Variants in SNX24 observed in about 807,000 individuals in gnomAD.
SNX24 encodes sorting nexin-24.
Under a neutral mutation model 28.7 loss-of-function variants are expected in SNX24, and 22 were observed. The observed-to-expected ratio is 0.77, with a 90% confidence interval of 0.55 to 1.10. The LOEUF is 1.10. Among genes scored for constraint, SNX24 ranks in the 50% least tolerant of loss-of-function variants. SNX24 has a pLI of 0.00. For synonymous variants in SNX24, 69 were observed against 71.5 expected (o/e 0.96, Z 0.18); for missense variants, 221 against 201.1 (o/e 1.10, Z -0.60).
chr5:122,904,161 T>C (rs2150082609), intron 1 of SNX24, among the ~76,000 whole-genome samples: 1 of 152,112 alleles, frequency 6.6e-6, no homozygotes, highest in East Asian at 1.9e-4. Flanking sequence ...AGTTACCCAG[T>C]GGAATACCTA....
rs11745548 is a variant in SNX24 at position 122,900,370 on chromosome 5, T to A, written c.61-36364T>A. 9.8e-3 allele frequency among the ~76,000 whole-genome samples: 1,488 copies of A among 152,322 alleles called. 25 individuals carry two copies. Among genetic ancestry groups the A allele is most frequent in the Middle Eastern group, 0.02 (6 of 294 alleles). ...TTAAAATGTGAACTATTAAAACGTT[T>A]TTTTTAAAAAAATGAAGAACAGAGA... On this transcript the variant is annotated intron_variant, in intron 1 of 6. Transcript: ENST00000261369.
intron 1 of SNX24, among the ~76,000 whole-genome samples, chr5:122,918,321 C>T (rs913490501): frequency 6.6e-6 from 1 of 152,008 alleles, no homozygotes; most frequent in Non-Finnish European, 1.5e-5. Flanking sequence ...TGCCCAAGAC[C>T]ATTGTTAAGT....
At chr5:122,964,095 TA>T (rs1490325518) in intron 3 of SNX24, among the ~76,000 whole-genome samples, 1 of 151,222 alleles carries the variant, frequency 6.6e-6, no homozygotes, top group Non-Finnish European at 1.5e-5. Flanking sequence ...ATACAAAAAT[TA>T]GCTGGGCGTG....
chr5:122,900,190 C>CT (rs34211374), intron 1 of SNX24, among the ~76,000 whole-genome samples: 91,368 of 148,322 alleles, frequency 0.62, 28,764 homozygotes, highest in African/African-American at 0.77. Flanking sequence ...CACCCAGCTA[C>CT]TTTTTTTTTT....
intron 3 of SNX24, among the ~76,000 whole-genome samples, chr5:122,997,097 T>C (rs1461307291): frequency 8.5e-5 from 13 of 152,242 alleles, no homozygotes; most frequent in Admixed American, 7.9e-4. Flanking sequence ...TTTGTATCTC[T>C]GTACCAGTTG....
Position 123,024,072 on chromosome 5 carries a change from A to G in SNX24, n.384-5166A>G. ...GCTATAGCAATCCAAAGGTTAAACC[A>G]AAGCCAACTCCAAAAGCCCAAGTGG... On this transcript the variant is annotated intron_variant and non_coding_transcript_variant, in intron 5 of 5. Coordinates refer to the SNX24 transcript ENST00000502387. The G allele has an allele frequency of 4.6e-6, 7 of 1,524,582 alleles. No individual in the cohort carries two copies. The South Asian group carries it at 9.2e-5, about 20-fold the overall frequency. 94.4% of individuals were successfully genotyped at this position (1,524,582 alleles called of 1,614,324 possible). A position where few individuals can be genotyped will look rare whatever the true frequency, so the allele number is the denominator to read the frequency against.
intron 1 of SNX24, among the ~76,000 whole-genome samples, chr5:122,907,741 T>A (rs1757703140): frequency 6.6e-6 from 1 of 152,196 alleles, no homozygotes; most frequent in Admixed American, 6.5e-5. Context: ...CTCCTGTTTA[T>A]AAGGAAAATT....
downstream of SNX24, among the ~76,000 whole-genome samples, chr5:123,010,634 T>C (rs1003215059): frequency 6.6e-6 from 1 of 152,116 alleles, no homozygotes; most frequent in Admixed American, 6.5e-5. Context: ...ATAAAAAATA[T>C]ATAAAACTAT....
chr5:122,867,109 A>G (rs1391596607), intron 1 of SNX24, among the ~76,000 whole-genome samples: 1 of 152,134 alleles, frequency 6.6e-6, no homozygotes, highest in Non-Finnish European at 1.5e-5. Flanking sequence ...AAGAAACTTG[A>G]CCCAGCCCTG....
chr5:122,897,467 A>T (rs996408979), intron 1 of SNX24, among the ~76,000 whole-genome samples: 2 of 152,220 alleles, frequency 1.3e-5, no homozygotes, highest in African/African-American at 4.8e-5. Context: ...CAGCATATAG[A>T]CTAACATGTT....
intron 1 of SNX24, among the ~76,000 whole-genome samples, chr5:122,859,273 C>T (rs1231854982): frequency 1.3e-5 from 2 of 149,056 alleles, no homozygotes; most frequent in African/African-American, 4.9e-5. Context: ...GAGTTGGAGA[C>T]CAGACTGCAC....
At chr5:123,011,569 C>T (rs13168225), downstream of SNX24, among the ~76,000 whole-genome samples, 30,869 of 152,204 alleles carry the variant, frequency 0.2, 3,986 homozygotes, top group Non-Finnish European at 0.3. Context: ...GTTTTCATCT[C>T]ATTTGTCAAC....
At chr5:122,891,748 T>C (rs907968949) in intron 1 of SNX24, among the ~76,000 whole-genome samples, 2 of 152,260 alleles carry the variant, frequency 1.3e-5, no homozygotes, top group African/African-American at 4.8e-5. Context: ...CAAACCCTTG[T>C]TATGTTCGGC....
intron 5 of SNX24, among the ~76,000 whole-genome samples, chr5:123,017,869 CT>C (rs1364111224): frequency 6.6e-6 from 1 of 152,130 alleles, no homozygotes; most frequent in East Asian, 1.9e-4. Flanking sequence ...AAACATCTTT[CT>C]TTTGTAAATT....
intron 1 of SNX24, among the ~76,000 whole-genome samples, chr5:122,874,297 T>TA (rs1450092935): frequency 6.6e-6 from 1 of 152,226 alleles, no homozygotes; most frequent in East Asian, 1.9e-4. Flanking sequence ...GTGAAATGCC[T>TA]ACCTCAGATT....
downstream of SNX24, among the ~76,000 whole-genome samples, chr5:123,011,424 G>A (rs796160615): frequency 2.0e-5 from 3 of 152,148 alleles, no homozygotes; most frequent in African/African-American, 7.2e-5. Flanking sequence ...TCAGCCATGT[G>A]AACAACCCCA....
chr5:122,892,670 T>C (rs899203490), intron 1 of SNX24, among the ~76,000 whole-genome samples: 1 of 152,072 alleles, frequency 6.6e-6, no homozygotes, highest in Admixed American at 6.5e-5. Flanking sequence ...ACTCCTGGCC[T>C]CAAGTGATCT....
At chr5:122,963,246 A>G (rs2150140298) in intron 3 of SNX24, among the ~76,000 whole-genome samples, 1 of 152,248 alleles carries the variant, frequency 6.6e-6, no homozygotes, top group South Asian at 2.1e-4. Context: ...AAATTAATTA[A>G]TTAATTAATT....
intron 1 of SNX24, among the ~76,000 whole-genome samples, chr5:122,875,712 A>C (rs1756193692): frequency 6.6e-6 from 1 of 152,212 alleles, no homozygotes; most frequent in South Asian, 2.1e-4. Context: ...ACTAACAAAT[A>C]GTTGTTACCA....
Sources: allele counts gnomAD v4.1 joint callset (sites outside exome capture counted in the v4.1 genomes callset), GRCh38; gene constraint gnomAD v4.1.1; transcripts MANE v1.5; gene names NCBI Gene and HGNC (gene_info 2026-07-23, HGNC 2026-07-21).